PCDHA13: variants seen among roughly 807,000 people sequenced by gnomAD.
PCDHA13 encodes the protein protocadherin alpha 13.
Under a neutral mutation model 64.8 loss-of-function variants are expected in PCDHA13, and 54 were observed. The ratio of observed to expected loss-of-function variants is 0.83; its 90% CI spans 0.67 to 1.04. The LOEUF (loss-of-function observed/expected upper bound fraction) is 1.04, where lower values mean the gene tolerates loss of function less well. Ranked by LOEUF, PCDHA13 falls within the 50% of genes least tolerant of loss-of-function variation. PCDHA13 has a pLI of 0.00. For missense variants in PCDHA13, 1,248 were observed against 1,254.3 expected, an observed-to-expected ratio of 0.99 and a Z score of 0.08; for synonymous variants, 587 against 564.4, an observed-to-expected ratio of 1.04 and a Z score of -0.57.
chr5:140,924,907 AAAAT>A (rs1563068966), intron 1 of PCDHA13, among the ~76,000 whole-genome samples: 53 of 50,956 alleles, frequency 1.0e-3, no homozygotes, highest in African/African-American at 2.1e-3. Flanking sequence ...AAAAAAAAAT[AAAAT>A]AAAATAAAAT....
intron 3 of PCDHA13, among the ~76,000 whole-genome samples, chr5:140,985,454 A>G (rs1378044295): frequency 1.3e-5 from 2 of 152,188 alleles, no homozygotes; most frequent in Non-Finnish European, 2.9e-5. Context: ...GAAAAGGGAA[A>G]TGCTCCAAAA....
chr5:140,910,055 T>A (rs1554194090), intron 1 of PCDHA13, among the ~76,000 whole-genome samples: 1 of 152,218 alleles, frequency 6.6e-6, no homozygotes, highest in Non-Finnish European at 1.5e-5. Flanking sequence ...TAATAAGTGA[T>A]CTTTTAACAG....
At chr5:140,983,720 T>G (rs1563510266) in intron 3 of PCDHA13, among the ~76,000 whole-genome samples, 1 of 152,228 alleles carries the variant, frequency 6.6e-6, no homozygotes, top group Non-Finnish European at 1.5e-5. Context: ...AGCACTTATA[T>G]TCATAACATG....
Position 140,883,142 on chromosome 5 carries a change from G to A in PCDHA13, c.874G>A (p.Ala292Thr), listed in dbSNP as rs150205860. ...RRPVWPAVVYAFTINPNNGEI... is the reference protein window; with the variant it reads ...RRPVWPAVVYTFTINPNNGEI... Reference sequence around the variant, plus strand: ...GCCTGTATGGCCTGCAGTGGTATATGCATTTACCATAAATCCGAACAATGG... The same window carrying A: ...GCCTGTATGGCCTGCAGTGGTATATACATTTACCATAAATCCGAACAATGG... The change falls in exon 1 of 4, where the codon GCA becomes ACA. Residue 292 changes from alanine to threonine, a missense_variant. Physicochemically the swap from Ala to Thr is moderately conservative, Grantham distance 58. Transcript: ENST00000289272. The A allele has an allele frequency of 6.2e-7, 1 of 1,614,004 alleles. No individual in the cohort carries two copies. The highest frequency in any genetic ancestry group is 1.1e-5 in the South Asian group (1 of 91,074).
Position 140,943,173 on chromosome 5 carries a change from G to A in PCDHA13, c.2395-35776G>A, listed in dbSNP as rs143950290. On this transcript the variant is annotated intron_variant, in intron 1 of 3. Coordinates refer to ENST00000289272, the MANE Select transcript of PCDHA13 (RefSeq NM_018904.3). ...CTCTGGAGGCTGAGGCAGGAAAATC[G>A]CTTGAACCCTGGAGGTGGAGGCTGC... is the stretch of plus-strand genomic sequence containing the variant. Among the ~76,000 whole-genome samples the A allele has an allele frequency of 5.6e-3, 834 of 148,712 alleles. 7 individuals are homozygous for A. Among genetic ancestry groups the A allele is most frequent in the African/African-American group, 0.019 (751 of 40,052 alleles).
At chr5:140,990,354 G>GA (rs1554251439) in intron 3 of PCDHA13, among the ~76,000 whole-genome samples, 1 of 152,158 alleles carries the variant, frequency 6.6e-6, no homozygotes, top group Non-Finnish European at 1.5e-5. Context: ...GCCCTGTACA[G>GA]AAAATCTAAT....
chr5:140,984,861 C>A (rs1163314869), intron 3 of PCDHA13, among the ~76,000 whole-genome samples: 1 of 151,870 alleles, frequency 6.6e-6, no homozygotes, highest in Non-Finnish European at 1.5e-5. Flanking sequence ...ATAATAACAC[C>A]TATTTTATTG....
chr5:140,928,570 C>A (rs2085340367), intron 1 of PCDHA13: 1 of 1,614,196 alleles, frequency 6.2e-7, no homozygotes, highest in South Asian at 1.1e-5. Flanking sequence ...GTTTCCCTTG[C>A]CCAGAAATGG....
intron 1 of PCDHA13, among the ~76,000 whole-genome samples, chr5:140,913,069 C>G (rs1249708459): frequency 9.2e-5 from 14 of 152,006 alleles, no homozygotes; most frequent in Non-Finnish European, 1.5e-4. Flanking sequence ...TTTGATGTGT[C>G]ATTGTTTGGT....
intron 1 of PCDHA13, among the ~76,000 whole-genome samples, chr5:140,921,566 T>C (rs775027482): frequency 4.6e-5 from 7 of 152,304 alleles, no homozygotes; most frequent in Middle Eastern, 3.4e-3. Flanking sequence ...TATTATGTTA[T>C]AGTAGAGCTC....
At chr5:140,919,516 A>G (rs1207061379) in intron 1 of PCDHA13, among the ~76,000 whole-genome samples, 2 of 152,078 alleles carry the variant, frequency 1.3e-5, no homozygotes. Flanking sequence ...TATATGTTTT[A>G]ATTCTCTTTT....
intron 1 of PCDHA13, among the ~76,000 whole-genome samples, chr5:140,978,150 C>A (rs1009630892): frequency 6.6e-6 from 1 of 152,168 alleles, no homozygotes; most frequent in Non-Finnish European, 1.5e-5. Context: ...TTGTTCTCCC[C>A]CTTCAGACTG....
rs1316555766 is a variant in PCDHA13, at chr5:141,011,101, T to C, written c.*1164T>C. 1.3e-5 allele frequency: 2 copies of C among 153,710 alleles called. No homozygotes were observed. The highest frequency in any genetic ancestry group is 2.9e-5 in the Non-Finnish European group (2 of 68,016). The allele number at this position is 153,710 out of a possible 1,614,324, so 9.5% of individuals were successfully genotyped here. A position where few individuals can be genotyped will look rare whatever the true frequency, so the allele number is the denominator to read the frequency against. On this transcript the variant is annotated 3_prime_UTR_variant, in exon 4 of 4. Coordinates refer to ENST00000289272, the MANE Select transcript of PCDHA13 (RefSeq NM_018904.3). ...AATGATCTCTCTTTCTCTCTCTCTC[T>C]CTCTTTTCTAAGAAACAATTATGTG...
chr5:140,978,978 C>T lies in PCDHA13; in HGVS notation c.2424C>T (p.Tyr808=). Residue 808 remains tyrosine (Y), a synonymous_variant, in exon 2 of 4, where the codon TAC becomes TAT. Coordinates refer to ENST00000289272, the MANE Select transcript of PCDHA13 (RefSeq NM_018904.3). ...EPRQPNPDWR[Y]SASLRAGMHS... ...GACAGCCCAACCCTGACTGGCGTTA[C>T]TCTGCCTCCCTGAGAGCAGGCATGC... 1 of 1,614,204 alleles carries T rather than the reference C, an allele frequency of 6.2e-7. No homozygotes were observed. The highest frequency in any genetic ancestry group is 8.5e-7 in the Non-Finnish European group (1 of 1,180,030).
chr5:140,935,341 G>A (rs1318000398), intron 1 of PCDHA13, among the ~76,000 whole-genome samples: 5 of 152,046 alleles, frequency 3.3e-5, no homozygotes, highest in Non-Finnish European at 5.9e-5. Context: ...TCTCCCATAC[G>A]TCAAATCCCA....
Position 140,884,063 on chromosome 5 carries a change from G to T in PCDHA13, c.1795G>T (p.Ala599Ser). 6.2e-7 allele frequency: 1 copy of T among 1,613,496 alleles called. No individual in the cohort carries two copies. The highest frequency in any genetic ancestry group is 8.5e-7 in the Non-Finnish European group (1 of 1,179,760). ...GGTGGCGAAGGTGCGCGCGGTGGAC[G>T]CCGATTCGGGCTACAATGCGTGGCT... ...HVVAKVRAVDADSGYNAWLSY... is the reference protein window; with the variant it reads ...HVVAKVRAVDSDSGYNAWLSY... The change falls in exon 1 of 4, where the codon GCC (alanine) becomes TCC (serine). Residue 599 changes from alanine (A) to serine (S), a missense_variant. Ala to Ser is a moderately conservative substitution (Grantham distance 99). Coordinates refer to ENST00000289272, the MANE Select transcript of PCDHA13 (RefSeq NM_018904.3).
At chr5:140,917,324 C>CGGT (rs2078038330) in intron 1 of PCDHA13, among the ~76,000 whole-genome samples, 1 of 76,126 alleles carries the variant, frequency 1.3e-5, no homozygotes, top group Admixed American at 1.5e-4. Flanking sequence ...GTTCATGTGG[C>CGGT]GGGGGAGGGG....
Position 140,928,600 on chromosome 5 carries a change from G to C in PCDHA13, c.2394+43938G>C, listed in dbSNP as rs144698541. ...AAATGGTTCTGTCCCAGTGGAAATT[G>C]TGCCCCGCTCTGCCAGGACTGGACA... On this transcript the variant is annotated intron_variant, in intron 1 of 3. Coordinates refer to ENST00000289272, the MANE Select transcript of PCDHA13 (RefSeq NM_018904.3). 3.1e-6 allele frequency: 5 copies of C among 1,614,090 alleles called. No homozygotes were observed. In the African/African-American group the frequency reaches 6.7e-5, roughly 22 times the overall value.
chr5:140,891,123 T>G (rs2153433075), intron 1 of PCDHA13, among the ~76,000 whole-genome samples: 1 of 152,342 alleles, frequency 6.6e-6, no homozygotes, highest in East Asian at 1.9e-4. Context: ...AATCTAAATG[T>G]CATTCCTTTA....
Sources: allele counts gnomAD v4.1 joint callset (sites outside exome capture counted in the v4.1 genomes callset), GRCh38; gene constraint gnomAD v4.1.1; transcripts MANE v1.5; gene names NCBI Gene and HGNC (gene_info 2026-07-23, HGNC 2026-07-21).